LYST: variants seen among roughly 807,000 people sequenced by gnomAD.
LYST encodes lysosomal trafficking regulator, also known as lysosomal-trafficking regulator.
LYST carries 192 observed loss-of-function variants against 413.6 expected under a neutral mutation model. The ratio of observed to expected loss-of-function variants is 0.46; its 90% CI spans 0.41 to 0.52. The LOEUF is 0.52. Among genes scored for constraint, LYST ranks in the 20% least tolerant of loss-of-function variants. The pLI, the probability that LYST is intolerant of heterozygous loss-of-function variation, is 0.00. For missense variants in LYST, 3,815 were observed against 4,499.9 expected, an observed-to-expected ratio of 0.85 and a Z score of 4.35; for synonymous variants, 1,525 against 1,567.3, an observed-to-expected ratio of 0.97 and a Z score of 0.64.
chr1:235,663,568 T>C (rs1047422267), intron 52 of LYST, among the ~76,000 whole-genome samples: 1 of 152,242 alleles, frequency 6.6e-6, no homozygotes, highest in Non-Finnish European at 1.5e-5. Context: ...TTTAATTTAA[T>C]AAAGTAAAAT....
chr1:235,805,963 C>A lies in LYST; in HGVS notation c.3173G>T (p.Ser1058Ile), dbSNP rs1395369517. The change falls in exon 6 of 53, where the codon AGT becomes ATT. Residue 1058 changes from serine to isoleucine, a missense_variant. Ser to Ile is a moderately radical substitution (Grantham distance 142). Coordinates refer to ENST00000389793, the MANE Select transcript of LYST (RefSeq NM_000081.4). ...CTCTAATTTACCTAAACTGTCAGCACTCTTTTTTAGACTACCTAGTTCTGA... is the reference window on the plus strand; with the variant it reads ...CTCTAATTTACCTAAACTGTCAGCAATCTTTTTTAGACTACCTAGTTCTGA... ...IPSELGSLKK[S>I]ADSLGKLELQ... 2.5e-6 allele frequency: 4 copies of A among 1,613,664 alleles called. No individual in the cohort carries two copies. The African/African-American group carries it at 5.3e-5, about 22-fold the overall frequency.
At chr1:235,797,159 A>G (rs1330198120) in intron 10 of LYST, among the ~76,000 whole-genome samples, 3 of 152,238 alleles carry the variant, frequency 2.0e-5, no homozygotes, top group African/African-American at 4.8e-5. Context: ...AAAAAATTGT[A>G]CATGAGTGTT....
intron 40 of LYST, among the ~76,000 whole-genome samples, chr1:235,720,089 C>A (rs971324680): frequency 6.9e-6 from 1 of 144,032 alleles, no homozygotes; most frequent in African/African-American, 2.6e-5. Context: ...GCAGGAGAAT[C>A]GCTTGAACCC....
intron 46 of LYST, among the ~76,000 whole-genome samples, chr1:235,695,157 A>C (rs747489355): frequency 3.3e-5 from 5 of 152,238 alleles, no homozygotes; most frequent in African/African-American, 4.8e-5. Context: ...AGCATTTATT[A>C]AGCACTTAGA....
chr1:235,751,348 G>A lies in LYST; in HGVS notation c.7642C>T (p.Leu2548=). ...NKRTQNMAVA[L]QLRVLQAAME... is the part of the protein sequence containing the mutation. ...GCAGCCTGGAGAACTCTAAGCTGTA[G>A]TGCAACAGCCATATCTAAAAACAGA... The change falls in exon 28 of 53, where the codon CTA becomes TTA. Residue 2548 remains leucine, a synonymous_variant. Transcript: ENST00000389793. 2 of 1,613,446 alleles carry A rather than the reference G, an allele frequency of 1.2e-6. No individual in the cohort carries two copies. Among genetic ancestry groups the A allele is most frequent in the South Asian group, 1.1e-5 (1 of 91,080 alleles).
At chr1:235,693,936 A>T (rs976721046) in intron 46 of LYST, among the ~76,000 whole-genome samples, 4 of 152,144 alleles carry the variant, frequency 2.6e-5, no homozygotes, top group Non-Finnish European at 5.9e-5. Context: ...GGGATCATTT[A>T]ATCCTGTCAA....
In LYST at chr1:235,806,754, A is replaced by G. The variant is rs1572329047; in HGVS notation, c.2382T>C (p.Phe794=). The stretch of plus-strand genomic sequence containing the variant: ...TTTGACTTACTCCATTACAACTCAA[A>G]AACAAATCTCTTATTACCCTGTGAA... The part of the protein sequence containing the change: ...LLKSRVIRDL[F]LSCNGVSQII... Residue 794 remains phenylalanine (F), a synonymous_variant, in exon 6 of 53, where the codon TTT becomes TTC. Coordinates refer to ENST00000389793, the MANE Select transcript of LYST (RefSeq NM_000081.4). The G allele has an allele frequency of 1.2e-6, 2 of 1,611,616 alleles. No individual in the cohort carries two copies. The highest frequency in any genetic ancestry group is 1.3e-5 in the African/African-American group (1 of 74,998).
intron 19 of LYST, among the ~76,000 whole-genome samples, chr1:235,770,568 G>A (rs1301599724): frequency 6.6e-6 from 1 of 152,090 alleles, no homozygotes; most frequent in African/African-American, 2.4e-5. Context: ...TTCAAAAGAT[G>A]AATTATCAAG....
rs371733219 is a variant in LYST at position 235,751,276 on chromosome 1, T to C, written c.7714A>G (p.Thr2572Ala). 7.4e-6 allele frequency: 12 copies of C among 1,613,476 alleles called. No homozygotes were observed. The highest frequency in any genetic ancestry group is 6.7e-5 in the Admixed American group (4 of 59,982). ...GCAGAAGGTGACTGGAGTGAATCTGTGAGGTTTTCAGAGTCATGATTTGCG... is the reference window on the plus strand; with the variant it reads ...GCAGAAGGTGACTGGAGTGAATCTGCGAGGTTTTCAGAGTCATGATTTGCG... ...TTANHDSENL[T>A]DSLQSPSAPH... Residue 2572 changes from threonine (T) to alanine (A), a missense_variant, in exon 28 of 53, where the codon ACA (threonine) becomes GCA (alanine). Thr to Ala is a moderately conservative substitution (Grantham distance 58). This residue lies in a region of LYST where 771 missense variants were observed against 837.1 expected (regional missense o/e 0.92). Transcript: ENST00000389793.
At chr1:235,698,264 G>GA (rs1167871410) in intron 45 of LYST, among the ~76,000 whole-genome samples, 3 of 151,888 alleles carry the variant, frequency 2.0e-5, no homozygotes, top group Non-Finnish European at 4.4e-5. Context: ...TAAAAAACCT[G>GA]ATTTTTAGTG....
chr1:235,856,936 A>G (rs570299390), intron 1 of LYST, among the ~76,000 whole-genome samples: 48 of 137,158 alleles, frequency 3.5e-4, no homozygotes, highest in African/African-American at 1.4e-3. Flanking sequence ...CACAGGATAT[A>G]CTGATTTTTT....
intron 48 of LYST, among the ~76,000 whole-genome samples, chr1:235,682,213 C>T (rs993531213): frequency 3.9e-5 from 6 of 151,954 alleles, no homozygotes; most frequent in African/African-American, 1.2e-4. Flanking sequence ...GGTAGGGGGT[C>T]GGGGATGGGG....
intron 39 of LYST, among the ~76,000 whole-genome samples, chr1:235,721,506 C>G (rs1438540480): frequency 6.6e-6 from 1 of 151,756 alleles, no homozygotes; most frequent in Admixed American, 6.6e-5. Context: ...ATAATGATTG[C>G]TAATAAATGA....
At chr1:235,831,639 C>A (rs1378553797) in intron 2 of LYST, among the ~76,000 whole-genome samples, 2 of 151,968 alleles carry the variant, frequency 1.3e-5, no homozygotes, top group Non-Finnish European at 2.9e-5. Flanking sequence ...TCTTTGATTC[C>A]CATCAAAATT....
At chr1:235,738,905 G>A in intron 31 of LYST, 1 of 736,062 alleles carries the variant, frequency 1.4e-6, no homozygotes, top group Non-Finnish European at 2.5e-6. Flanking sequence ...ACCGTGTGAA[G>A]GTGACTCTGA....
intron 3 of LYST, among the ~76,000 whole-genome samples, chr1:235,816,276 C>T (rs1260820419): frequency 2.7e-5 from 4 of 148,666 alleles, no homozygotes; most frequent in Non-Finnish European, 5.9e-5. Context: ...TCCAACTCTA[C>T]TAAAAATACA....
rs763959412 is a variant in LYST at position 235,661,787 on chromosome 1, C to T, written c.*1153G>A. The T allele has an allele frequency of 6.6e-6, 1 of 152,534 alleles. No homozygotes were observed. Among genetic ancestry groups the T allele is most frequent in the Non-Finnish European group, 1.5e-5 (1 of 68,028 alleles). The allele number at this position is 152,534 out of a possible 1,614,324, so 9.4% of individuals were successfully genotyped here. ...TGTTTTCAAAGCCAATAAAGCAGCA[C>T]CCCAAGTAAAAATATACAGACAGCC... On this transcript the variant is annotated 3_prime_UTR_variant, in exon 53 of 53. Transcript: ENST00000389793.
intron 1 of LYST, among the ~76,000 whole-genome samples, chr1:235,852,356 A>G (rs1387937144): frequency 6.6e-6 from 1 of 152,198 alleles, no homozygotes; most frequent in Non-Finnish European, 1.5e-5. Flanking sequence ...CTGTACCTCA[A>G]AGCCATTTGT....
At chr1:235,817,715 A>T (rs997411674) in intron 3 of LYST, among the ~76,000 whole-genome samples, 5 of 152,136 alleles carry the variant, frequency 3.3e-5, no homozygotes, top group Admixed American at 3.3e-4. Context: ...CTCTTTCAGG[A>T]TGGAGGGTGG....
Sources: gnomAD v4.1 joint callset for allele counts (sites outside exome capture counted in the v4.1 genomes callset) on GRCh38, gnomAD v4.1.1 for gene constraint, gnomAD v4.1.1 regional missense constraint, MANE v1.5 for transcripts, NCBI Gene and HGNC (gene_info 2026-07-23, HGNC 2026-07-21) for gene names.